Variants in IPP observed in about 807,000 individuals in gnomAD.
IPP encodes the protein actin-binding protein IPP.
IPP carries 41 observed loss-of-function variants against 64.1 expected under a neutral mutation model. The ratio of observed to expected loss-of-function variants is 0.64; its 90% CI spans 0.50 to 0.83. The LOEUF (loss-of-function observed/expected upper bound fraction) is 0.83. IPP is among the 40% of genes least tolerant of loss of function. The pLI, the probability that IPP is intolerant of heterozygous loss-of-function variation, is 0.00. For synonymous variants in IPP, 214 were observed against 235.2 expected, an observed-to-expected ratio of 0.91 and a Z score of 0.83; for missense variants, 649 against 703.0, an observed-to-expected ratio of 0.92 and a Z score of 0.87.
chr1:45,715,900 G>A (rs1645651865), intron 7 of IPP, among the ~76,000 whole-genome samples: 1 of 152,110 alleles, frequency 6.6e-6, no homozygotes, highest in South Asian at 2.1e-4. Flanking sequence ...GTAAGATATA[G>A]TCTGCACTGC....
In IPP at chr1:45,698,777, G is replaced by GA; in HGVS notation, c.*1188_*1189insT. Reference sequence around the variant, plus strand: ...GCTGTCACCCAGGCCGGTGTGCAGTGGCACAATCTTGGCTCACTGCAGCCT... The same window carrying GA: ...GCTGTCACCCAGGCCGGTGTGCAGTGAGCACAATCTTGGCTCACTGCAGCCT... On this transcript the variant is annotated 3_prime_UTR_variant, in exon 9 of 9. Transcript: ENST00000396478. The GA allele has an allele frequency of 1.6e-6, 1 of 608,494 alleles. No individual in the cohort carries two copies. The highest frequency in any genetic ancestry group is 2.0e-6 in the Non-Finnish European group (1 of 493,610). 37.7% of individuals were successfully genotyped at this position (608,494 alleles called of 1,614,324 possible).
chr1:45,745,911 C>A (rs1646127288), intron 2 of IPP, among the ~76,000 whole-genome samples: 1 of 151,950 alleles, frequency 6.6e-6, no homozygotes, highest in Admixed American at 6.6e-5. Flanking sequence ...ACAATAAAAT[C>A]CTGGTTTGTA....
At chr1:45,745,080 T>G (rs1646117221) in intron 2 of IPP, among the ~76,000 whole-genome samples, 1 of 152,028 alleles carries the variant, frequency 6.6e-6, no homozygotes, top group African/African-American at 2.4e-5. Flanking sequence ...TTTTTTTGTT[T>G]TAGAAATGGG....
chr1:45,722,485 C>T (rs1160298983), intron 5 of IPP, among the ~76,000 whole-genome samples: 1 of 152,058 alleles, frequency 6.6e-6, no homozygotes, highest in East Asian at 1.9e-4. Flanking sequence ...GCAGAGGTTG[C>T]AGTGAGTCGA....
chr1:45,715,903 T>C (rs746781891), intron 7 of IPP, among the ~76,000 whole-genome samples: 1 of 152,196 alleles, frequency 6.6e-6, no homozygotes, highest in African/African-American at 2.4e-5. Flanking sequence ...AGATATAGTC[T>C]GCACTGCATA....
chr1:45,740,491 G>A (rs970219714), intron 3 of IPP, among the ~76,000 whole-genome samples: 6 of 152,058 alleles, frequency 3.9e-5, no homozygotes, highest in African/African-American at 9.7e-5. Context: ...GCGGCTGGCC[G>A]GGCGGGGGGC....
At chr1:45,717,890 A>T (rs1645682325) in intron 6 of IPP, among the ~76,000 whole-genome samples, 1 of 152,226 alleles carries the variant, frequency 6.6e-6, no homozygotes, top group Non-Finnish European at 1.5e-5. Context: ...TGGAGGTAAT[A>T]AAATATAATA....
At chr1:45,707,199 G>A (rs1645522874) in intron 8 of IPP, among the ~76,000 whole-genome samples, 1 of 152,140 alleles carries the variant, frequency 6.6e-6, no homozygotes, top group Non-Finnish European at 1.5e-5. Flanking sequence ...CGAGGCGGGT[G>A]GATCATGAGG....
At chr1:45,725,516 C>T (rs796124448) in intron 5 of IPP, among the ~76,000 whole-genome samples, 18,203 of 111,026 alleles carry the variant, frequency 0.16, 1,467 homozygotes, top group East Asian at 0.21. Context: ...AGGTGAGGGG[C>T]GCTTCTGCCC....
intron 5 of IPP, among the ~76,000 whole-genome samples, chr1:45,726,816 C>T (rs1243558139): frequency 7.3e-5 from 11 of 151,022 alleles, no homozygotes; most frequent in African/African-American, 2.4e-4. Context: ...CTCCGCCTCC[C>T]GGGTTCAAAT....
chr1:45,715,507 G>A (rs964387166), intron 7 of IPP, among the ~76,000 whole-genome samples: 10 of 151,910 alleles, frequency 6.6e-5, no homozygotes, highest in African/African-American at 2.4e-4. Context: ...CAGGTGTGGT[G>A]GTGGGCGCCT....
At chr1:45,725,081 C>G (rs1263040320) in intron 5 of IPP, among the ~76,000 whole-genome samples, 1 of 147,102 alleles carries the variant, frequency 6.8e-6, no homozygotes, top group African/African-American at 2.5e-5. Flanking sequence ...GTCAGCCCCC[C>G]GCCCGGCCAG....
In IPP at chr1:45,699,997, C is replaced by T. The variant is rs1645430475; in HGVS notation, c.1724G>A (p.Ser575Asn). ...TWTEIGNMIT[S>N]RCEGGVAVL Reference sequence around the variant, plus strand: ...CACAGCAACGCCCCCTTCACAACGACTGGTGATCATGTTACCAATTTCTGT... The same window carrying T: ...CACAGCAACGCCCCCTTCACAACGATTGGTGATCATGTTACCAATTTCTGT... Residue 575 changes from serine (S) to asparagine (N), a missense_variant, in exon 9 of 9, where the codon AGT becomes AAT. Transcript: ENST00000396478. 6.2e-7 allele frequency: 1 copy of T among 1,614,086 alleles called. No individual in the cohort carries two copies. The highest frequency in any genetic ancestry group is 1.3e-5 in the African/African-American group (1 of 74,928).
chr1:45,738,854 A>AACAAAC (rs1553193322), intron 3 of IPP, among the ~76,000 whole-genome samples: 1 of 107,436 alleles, frequency 9.3e-6, no homozygotes, highest in African/African-American at 3.2e-5. Flanking sequence ...AAAAAAAAAA[A>AACAAAC]AAAAAAAAAA....
chr1:45,716,846 A>ATG, intron 7 of IPP, 49 bp downstream of exon 7: 1 of 1,547,296 alleles, frequency 6.5e-7, no homozygotes, highest in Non-Finnish European at 8.8e-7. Context: ...AAACTCAAAC[A>ATG]GTTTTTCAGA....
At chr1:45,738,207 C>A (rs750407253) in intron 3 of IPP, among the ~76,000 whole-genome samples, 15 of 152,160 alleles carry the variant, frequency 9.9e-5, no homozygotes, top group Non-Finnish European at 1.8e-4. Context: ...AAATTTAAAT[C>A]ACCCTACATG....
downstream of IPP, among the ~76,000 whole-genome samples, chr1:45,695,230 T>G (rs947081767): frequency 6.6e-6 from 1 of 152,214 alleles, no homozygotes; most frequent in Non-Finnish European, 1.5e-5. Context: ...AGTGGTGTGG[T>G]CATGGCTCAC....
At chr1:45,714,856 A>G (rs963607814) in intron 7 of IPP, among the ~76,000 whole-genome samples, 2 of 152,188 alleles carry the variant, frequency 1.3e-5, no homozygotes, top group Non-Finnish European at 2.9e-5. Context: ...CTTTAGTGAC[A>G]GCCTATCTGT....
chr1:45,738,702 T>C (rs1557758513), intron 3 of IPP, among the ~76,000 whole-genome samples: 1 of 151,448 alleles, frequency 6.6e-6, no homozygotes, highest in Non-Finnish European at 1.5e-5. Context: ...TAGCCGGGCA[T>C]GGTGGCGGGC....
Sources: gnomAD v4.1 joint callset for allele counts (sites outside exome capture counted in the v4.1 genomes callset) on GRCh38, gnomAD v4.1.1 for gene constraint, MANE v1.5 for transcripts, NCBI Gene and HGNC (gene_info 2026-07-23, HGNC 2026-07-21) for gene names.